The following PRKG1 variants were observed in gnomAD, a reference collection of about 807,000 sequenced individuals.
PRKG1 encodes cGMP-dependent protein kinase 1.
PRKG1 carries 35 observed loss-of-function variants against 88.1 expected under a neutral mutation model. The observed-to-expected ratio is 0.40, with a 90% CI of 0.30 to 0.53. PRKG1 has a LOEUF of 0.53. PRKG1 is among the 20% of genes least tolerant of loss of function. The pLI, the probability that PRKG1 is intolerant of heterozygous loss-of-function variation, is 0.59. For missense variants in PRKG1, 540 were observed against 839.8 expected (o/e 0.64, Z 4.41); for synonymous variants, 303 against 292.5 (o/e 1.04, Z -0.37).
intron 3 of PRKG1, among the ~76,000 whole-genome samples, chr10:51,683,093 G>A (rs1428005774): frequency 1.3e-5 from 2 of 152,156 alleles, no homozygotes; most frequent in Admixed American, 6.5e-5. Flanking sequence ...ATAGTAAATA[G>A]ATCACAGGGA....
At chr10:51,042,192 G>A (rs1843433218) in intron 1 of PRKG1, among the ~76,000 whole-genome samples, 1 of 152,026 alleles carries the variant, frequency 6.6e-6, no homozygotes. Context: ...TTAAAATAAT[G>A]GTGAGTAGTA....
chr10:51,303,414 A>C (rs568215634), intron 2 of PRKG1, among the ~76,000 whole-genome samples: 3 of 151,918 alleles, frequency 2.0e-5, no homozygotes, highest in African/African-American at 7.3e-5. Flanking sequence ...AGATGGCCTC[A>C]TGTGTGCGCT....
chr10:52,182,958 T>G (rs1839082187), intron 9 of PRKG1, among the ~76,000 whole-genome samples: 1 of 152,106 alleles, frequency 6.6e-6, no homozygotes, highest in Non-Finnish European at 1.5e-5. Context: ...TTACTCATGC[T>G]GGAAAGTAAA....
chr10:52,035,699 G>T (rs1336462392), intron 5 of PRKG1, among the ~76,000 whole-genome samples: 1 of 152,146 alleles, frequency 6.6e-6, no homozygotes, highest in Non-Finnish European at 1.5e-5. Flanking sequence ...CAAAGAGTGG[G>T]TACAGCTGAA....
chr10:51,407,832 T>C (rs1389096916), intron 2 of PRKG1, among the ~76,000 whole-genome samples: 2 of 152,210 alleles, frequency 1.3e-5, no homozygotes, highest in African/African-American at 4.8e-5. Flanking sequence ...ACCTCCATTG[T>C]GGAGTAGTAG....
intron 3 of PRKG1, chr10:51,699,614 C>T (rs1231314245): frequency 2.1e-5 from 32 of 1,526,054 alleles, no homozygotes; most frequent in Non-Finnish European, 2.8e-5. Flanking sequence ...GCGACCGACA[C>T]TTCCGCTGAG....
intron 2 of PRKG1, chr10:51,306,554 C>T (rs1005824389): frequency 1.3e-5 from 2 of 152,106 alleles, no homozygotes; most frequent in African/African-American, 4.8e-5. Flanking sequence ...TGCTAATCGG[C>T]TTTCTCTCTC....
chr10:51,277,141 A>G (rs916739595), intron 2 of PRKG1, among the ~76,000 whole-genome samples: 1 of 152,178 alleles, frequency 6.6e-6, no homozygotes, highest in African/African-American at 2.4e-5. Flanking sequence ...TTTTTGTATA[A>G]GGTGTAAGGT....
In PRKG1 at chr10:51,987,823, T is replaced by C. The variant is rs565259977; in HGVS notation, c.763-66661T>C. The stretch of plus-strand genomic sequence containing the variant: ...GCAAAGAGTTCCCTGGTAGATTTAG[T>C]AAGGGACAAGTATAGGTTCAAGAAA... On this transcript the variant is annotated intron_variant, in intron 5 of 17. Coordinates refer to ENST00000373980, the MANE Select transcript of PRKG1 (RefSeq NM_006258.4). 2.0e-5 allele frequency among the ~76,000 whole-genome samples: 3 copies of C among 152,158 alleles called. No individual in the cohort carries two copies. The South Asian group carries it at 6.2e-4, about 32-fold the overall frequency.
intron 3 of PRKG1, among the ~76,000 whole-genome samples, chr10:51,508,549 T>A (rs192310914): frequency 1.4e-3 from 212 of 150,904 alleles, no homozygotes; most frequent in African/African-American, 4.7e-3. Context: ...TGAGAATGAC[T>A]TTTTTTAAAA....
intron 1 of PRKG1, among the ~76,000 whole-genome samples, chr10:51,014,992 A>T (rs1309980126): frequency 2.0e-5 from 3 of 152,212 alleles, no homozygotes; most frequent in African/African-American, 7.2e-5. Context: ...AGTGTCTTTG[A>T]TTACTATATG....
chr10:51,505,688 GT>G (rs1174812000), intron 3 of PRKG1, among the ~76,000 whole-genome samples: 1 of 152,056 alleles, frequency 6.6e-6, no homozygotes, highest in Non-Finnish European at 1.5e-5. Flanking sequence ...CTTCTTCCTG[GT>G]TTAGTCTTGG....
intron 3 of PRKG1, among the ~76,000 whole-genome samples, chr10:51,554,924 G>T (rs1238232829): frequency 2.0e-5 from 3 of 151,860 alleles, no homozygotes; most frequent in African/African-American, 7.2e-5. Flanking sequence ...ACTGTTAAGG[G>T]CAGTGTAAAA....
chr10:51,675,655 T>C (rs1372206319), intron 3 of PRKG1, among the ~76,000 whole-genome samples: 1 of 152,192 alleles, frequency 6.6e-6, no homozygotes, highest in Non-Finnish European at 1.5e-5. Context: ...GCTCCACTGA[T>C]TTTTGTCCTC....
intron 5 of PRKG1, among the ~76,000 whole-genome samples, chr10:52,040,943 T>C (rs1481552785): frequency 6.8e-6 from 1 of 147,580 alleles, no homozygotes; most frequent in East Asian, 2.0e-4. Context: ...TTTAAGCAAT[T>C]CTCCTGCCTC....
intron 7 of PRKG1, among the ~76,000 whole-genome samples, chr10:52,109,905 G>C (rs76271256): frequency 6.6e-6 from 1 of 151,800 alleles, no homozygotes; most frequent in Non-Finnish European, 1.5e-5. Flanking sequence ...TCATCTTCCC[G>C]GGCCATGTCC....
chr10:51,514,460 C>T (rs1465901949), intron 3 of PRKG1, among the ~76,000 whole-genome samples: 2 of 152,158 alleles, frequency 1.3e-5, no homozygotes, highest in African/African-American at 2.4e-5. Context: ...ACTCCAGGGT[C>T]ACCACCTAAG....
intron 3 of PRKG1, among the ~76,000 whole-genome samples, chr10:51,569,875 C>T (rs1321768774): frequency 4.0e-5 from 6 of 151,770 alleles, no homozygotes; most frequent in East Asian, 1.9e-4. Context: ...CATGGTAGGC[C>T]GGTTTTACCA....
chr10:51,224,625 A>G (rs1335841638), intron 2 of PRKG1, among the ~76,000 whole-genome samples: 1 of 152,126 alleles, frequency 6.6e-6, no homozygotes, highest in Admixed American at 6.6e-5. Context: ...TAACTGAGAA[A>G]GTTATTACAT....
Sources: gnomAD v4.1 joint callset for allele counts (sites outside exome capture counted in the v4.1 genomes callset) on GRCh38, gnomAD v4.1.1 for gene constraint, MANE v1.5 for transcripts, NCBI Gene and HGNC (gene_info 2026-07-23, HGNC 2026-07-21) for gene names.